The following RIMBP2 variants were observed in gnomAD, a reference collection of about 807,000 sequenced individuals.
RIMBP2 encodes the protein RIMS-binding protein 2.
RIMBP2 carries 48 observed loss-of-function variants against 118.6 expected under a neutral mutation model. That is an observed-to-expected ratio of 0.40 (90% confidence interval 0.32 to 0.51). The LOEUF is 0.51. Ranked by LOEUF, RIMBP2 falls within the 20% of genes least tolerant of loss-of-function variation. The pLI is 0.41. For missense variants in RIMBP2, 1,551 were observed against 1,768.3 expected (o/e 0.88, Z 2.20); for synonymous variants, 762 against 742.9 (o/e 1.03, Z -0.42).
At chr12:130,638,792 G>GGGTGA (rs1185928747) in intron 1 of RIMBP2, among the ~76,000 whole-genome samples, 2 of 152,134 alleles carry the variant, frequency 1.3e-5, no homozygotes, top group African/African-American at 2.4e-5. Context: ...TGGTTGCCAG[G>GGGTGA]GGTGAGCAGC....
intron 17 of RIMBP2, among the ~76,000 whole-genome samples, chr12:130,416,061 G>A (rs1330221056): frequency 1.3e-5 from 2 of 152,080 alleles, no homozygotes; most frequent in Non-Finnish European, 2.9e-5. Flanking sequence ...GAGAACGACA[G>A]AACACTGCTG....
At chr12:130,607,755 C>T (rs912716924) in intron 2 of RIMBP2, among the ~76,000 whole-genome samples, 1 of 151,966 alleles carries the variant, frequency 6.6e-6, no homozygotes, top group Admixed American at 6.6e-5. Flanking sequence ...TTCATTCCAC[C>T]AGGTTCAAGT....
chr12:130,396,570 G>GTATT lies in RIMBP2; in HGVS notation c.*787_*790dup, dbSNP rs1282167502. On this transcript the variant is annotated 3_prime_UTR_variant, in exon 23 of 23. Transcript: ENST00000690449. ...TTACTTGTGTGCCATTCATTGCTGTGTATTTGGGTATGGCATTTTGACAAC... is the reference window on the plus strand; with the variant it reads ...TTACTTGTGTGCCATTCATTGCTGTGTATTTATTTGGGTATGGCATTTTGACAAC... 1.3e-5 allele frequency: 2 copies of GTATT among 152,612 alleles called. No individual in the cohort carries two copies. Among genetic ancestry groups the GTATT allele is most frequent in the Admixed American group, 6.5e-5 (1 of 15,276 alleles). The allele number at this position is 152,612 out of a possible 1,614,324, so 9.5% of individuals were successfully genotyped here.
chr12:130,619,839 G>A (rs2061190065), intron 2 of RIMBP2, among the ~76,000 whole-genome samples: 1 of 152,172 alleles, frequency 6.6e-6, no homozygotes. Context: ...GTTACTCTTG[G>A]AGACTGCACA....
intron 2 of RIMBP2, among the ~76,000 whole-genome samples, chr12:130,569,097 T>A (rs1188082075): frequency 6.6e-6 from 1 of 151,736 alleles, no homozygotes; most frequent in African/African-American, 2.4e-5. Context: ...CTTATTCTCA[T>A]AGGATCACAT....
chr12:130,541,190 G>A (rs1202805991), intron 2 of RIMBP2, among the ~76,000 whole-genome samples: 1 of 152,200 alleles, frequency 6.6e-6, no homozygotes, highest in African/African-American at 2.4e-5. Flanking sequence ...CTCTGTCTAT[G>A]GAGCAGGCAT....
chr12:130,448,139 T>C (rs1454356627), intron 9 of RIMBP2, among the ~76,000 whole-genome samples: 4 of 148,092 alleles, frequency 2.7e-5, no homozygotes, highest in African/African-American at 9.9e-5. Context: ...AAAAAAGGCA[T>C]AAATCCATCA....
intron 5 of RIMBP2, among the ~76,000 whole-genome samples, chr12:130,476,030 G>A (rs1332071324): frequency 1.3e-5 from 2 of 152,090 alleles, no homozygotes; most frequent in African/African-American, 4.8e-5. Flanking sequence ...GTGAGGTCAT[G>A]AGACAGTGAG....
intron 5 of RIMBP2, among the ~76,000 whole-genome samples, chr12:130,474,800 C>G (rs902523029): frequency 6.6e-6 from 1 of 152,186 alleles, no homozygotes; most frequent in Non-Finnish European, 1.5e-5. Flanking sequence ...ACTCCGGGTC[C>G]CAGCCCGGAC....
In RIMBP2 at chr12:130,711,040, C is replaced by T. The variant is rs539568955; in HGVS notation, c.-352+5182G>A. 1.3e-3 allele frequency among the ~76,000 whole-genome samples: 197 copies of T among 152,304 alleles called. 1 individual carries two copies. Among genetic ancestry groups the T allele is most frequent in the African/African-American group, 4.6e-3 (192 of 41,580 alleles). On this transcript the variant is annotated intron_variant, in intron 1 of 22. Transcript: ENST00000690449. ...GGCAAATCGCCTGAGGTCAGGAGTT[C>T]AAGACCAGCCTGGTCAACATGGCGT...
Position 130,623,515 on chromosome 12 carries a change from G to A in RIMBP2, c.-217+4807C>T, listed in dbSNP as rs141809471. 3.1e-3 allele frequency among the ~76,000 whole-genome samples: 468 copies of A among 152,156 alleles called. 2 individuals carry two copies. The highest frequency in any genetic ancestry group is 0.011 in the African/African-American group (445 of 41,498). On this transcript the variant is annotated intron_variant, in intron 2 of 22. Coordinates refer to ENST00000690449, the MANE Select transcript of RIMBP2 (RefSeq NM_001393629.1). The surrounding 1 kb of genome is among the most constrained non-coding windows in gnomAD (Gnocchi z 4.1). The stretch of plus-strand genomic sequence containing the variant: ...CTGCTGTAGTACTGATAATAATTAG[G>A]CATGGTTAGGGGACAGTTAGTTAAC...
intron 1 of RIMBP2, among the ~76,000 whole-genome samples, chr12:130,711,233 A>T (rs1245552297): frequency 6.6e-6 from 1 of 152,006 alleles, no homozygotes; most frequent in African/African-American, 2.4e-5. Flanking sequence ...ACAGAGCAAG[A>T]CTCTGTCTCA....
intron 2 of RIMBP2, among the ~76,000 whole-genome samples, chr12:130,545,687 G>A (rs1236181263): frequency 6.6e-6 from 1 of 152,166 alleles, no homozygotes; most frequent in Non-Finnish European, 1.5e-5. Flanking sequence ...CCGCCGTCGA[G>A]TGTCACGTCT....
At chr12:130,459,775 C>T (rs938261110) in intron 6 of RIMBP2, among the ~76,000 whole-genome samples, 5 of 151,154 alleles carry the variant, frequency 3.3e-5, no homozygotes, top group South Asian at 4.2e-4. Context: ...CCAGAAATGA[C>T]GGGGGGTGGG....
At chr12:130,711,138 G>A (rs1296819080) in intron 1 of RIMBP2, among the ~76,000 whole-genome samples, 2 of 152,196 alleles carry the variant, frequency 1.3e-5, no homozygotes, top group East Asian at 1.9e-4. Flanking sequence ...AGCTACTCAG[G>A]AGGCTGAGGC....
Position 130,483,171 on chromosome 12 carries a change from C to T in RIMBP2, c.-3-4155G>A, listed in dbSNP as rs1299696802. Among the ~76,000 whole-genome samples, 408 of 95,780 alleles carry T rather than the reference C, an allele frequency of 4.3e-3. 39 individuals carry two copies. The highest frequency in any genetic ancestry group is 0.012 in the African/African-American group (340 of 28,838). 62.8% of individuals were successfully genotyped at this position (95,780 alleles called of 152,430 possible). A position where few individuals can be genotyped will look rare whatever the true frequency, so the allele number is the denominator to read the frequency against. On this transcript the variant is annotated intron_variant, in intron 4 of 22. Transcript: ENST00000690449. ...GGAGGGGGCAGACCTCATCCAAATA[C>T]ACCCACTGTGTGTGTACATGTGTCA...
At chr12:130,626,472 A>G (rs991091448) in intron 2 of RIMBP2, among the ~76,000 whole-genome samples, 9 of 150,560 alleles carry the variant, frequency 6.0e-5, no homozygotes, top group African/African-American at 2.2e-4. Context: ...CATCACGACT[A>G]CCGCCAGCAT....
intron 2 of RIMBP2, among the ~76,000 whole-genome samples, chr12:130,625,002 C>T (rs2061538734): frequency 6.6e-6 from 1 of 152,210 alleles, no homozygotes; most frequent in South Asian, 2.1e-4. Context: ...AGATTACAGG[C>T]ATGAGCCACC....
At chr12:130,625,660 C>T (rs2061577217) in intron 2 of RIMBP2, among the ~76,000 whole-genome samples, 1 of 152,188 alleles carries the variant, frequency 6.6e-6, no homozygotes, top group African/African-American at 2.4e-5. Context: ...CTTAATGATG[C>T]ATCTGCAATT....
Sources: allele counts gnomAD v4.1 joint callset (sites outside exome capture counted in the v4.1 genomes callset), GRCh38; gene constraint gnomAD v4.1.1; non-coding constraint Gnocchi (gnomAD v3.1); transcripts MANE v1.5; gene names NCBI Gene and HGNC (gene_info 2026-07-23, HGNC 2026-07-21).